The following GALNT13 variants were observed in gnomAD, a reference collection of about 807,000 sequenced individuals.
The protein encoded by GALNT13 is polypeptide N-acetylgalactosaminyltransferase 13.
In GALNT13, 28 loss-of-function variants were observed where a neutral mutation model predicts 64.2. The ratio of observed to expected loss-of-function variants is 0.44; its 90% CI spans 0.32 to 0.60. The LOEUF (loss-of-function observed/expected upper bound fraction) is 0.60, where lower values mean the gene tolerates loss of function less well. GALNT13 is among the 20% of genes least tolerant of loss of function. The pLI is 0.05. For synonymous variants in GALNT13, 214 were observed against 224.6 expected, an observed-to-expected ratio of 0.95 and a Z score of 0.42; for missense variants, 577 against 669.8, an observed-to-expected ratio of 0.86 and a Z score of 1.53.
the GALNT13 span, chr2:153,478,574 C>T: frequency 5.0e-5 from 76 of 1,519,498 alleles, no homozygotes; most frequent in Non-Finnish European, 6.5e-5. Flanking sequence ...ATCGCAGGAA[C>T]GGGCGGGCGC....
chr2:154,273,812 C>T (rs534463635), intron 8 of GALNT13, among the ~76,000 whole-genome samples: 2 of 152,012 alleles, frequency 1.3e-5, no homozygotes, highest in African/African-American at 4.8e-5. Flanking sequence ...TTCAGTGTTG[C>T]ATGTACACCG....
At chr2:154,195,867 C>A (rs1386922519) in intron 4 of GALNT13, among the ~76,000 whole-genome samples, 1 of 152,122 alleles carries the variant, frequency 6.6e-6, no homozygotes, top group East Asian at 1.9e-4. Context: ...TGCCCCAACC[C>A]CTGCTCATGG....
At chr2:153,672,550 G>A in the GALNT13 span, among the ~76,000 whole-genome samples, 10 of 152,292 alleles carry the variant, frequency 6.6e-5, no homozygotes, top group East Asian at 1.2e-3. Context: ...CACAGCTAAA[G>A]CAGTGTGTAG....
the GALNT13 span, among the ~76,000 whole-genome samples, chr2:153,527,571 G>A: frequency 2.0e-5 from 3 of 152,222 alleles, 1 homozygote; most frequent in African/African-American, 7.2e-5. Context: ...TGAGCAATAA[G>A]TAATCACCTG....
intron 3 of GALNT13, among the ~76,000 whole-genome samples, chr2:153,978,157 A>G (rs1694201031): frequency 6.6e-6 from 1 of 152,182 alleles, no homozygotes; most frequent in Admixed American, 6.6e-5. Flanking sequence ...AAGATAGAAT[A>G]TTGTCTGTTT....
At chr2:154,212,036 A>G (rs912941234) in intron 4 of GALNT13, among the ~76,000 whole-genome samples, 1 of 152,254 alleles carries the variant, frequency 6.6e-6, no homozygotes, top group Admixed American at 6.5e-5. Context: ...TTGAGTTTGG[A>G]AAATTGCATC....
the GALNT13 span, among the ~76,000 whole-genome samples, chr2:153,716,555 T>C: frequency 1.3e-5 from 2 of 152,096 alleles, no homozygotes; most frequent in African/African-American, 4.8e-5. Flanking sequence ...CAGAAAAACC[T>C]CTATGAGTAA....
rs59114913 is a variant in GALNT13, at chr2:154,411,317, TACAC to T, written c.1395+2275_1395+2278del. ...TTCCATCTACATACTTAATTGCACA[TACAC>T]ACACACACACACACACACACACACA... On this transcript the variant is annotated intron_variant, in intron 11 of 12. Transcript: ENST00000392825. Among the ~76,000 whole-genome samples the T allele has an allele frequency of 2.6e-3, 389 of 147,862 alleles. 1 individual carries two copies. Among genetic ancestry groups the T allele is most frequent in the South Asian group, 9.1e-3 (42 of 4,612 alleles).
chr2:153,709,589 CAAAG>C, the GALNT13 span, among the ~76,000 whole-genome samples: 9 of 151,906 alleles, frequency 5.9e-5, no homozygotes, highest in East Asian at 1.4e-3. Context: ...GGAAGTAACT[CAAAG>C]AAACAAAAAC....
chr2:154,301,675 C>A, intron 9 of GALNT13, 86 bp downstream of exon 9: 1 of 875,488 alleles, frequency 1.1e-6, no homozygotes, highest in Non-Finnish European at 1.7e-6. Context: ...TGCTGTTATT[C>A]TTCTAGTTAA....
chr2:153,087,072 A>G, the GALNT13 span, among the ~76,000 whole-genome samples: 1 of 151,954 alleles, frequency 6.6e-6, no homozygotes, highest in African/African-American at 2.4e-5. Flanking sequence ...TTCTCAGGGG[A>G]GTTCTTTCAA....
chr2:154,176,776 T>A (rs1685679608), intron 4 of GALNT13, among the ~76,000 whole-genome samples: 1 of 152,180 alleles, frequency 6.6e-6, no homozygotes, highest in Non-Finnish European at 1.5e-5. Context: ...ATGCTGATTT[T>A]TGAAAAGGTG....
chr2:154,280,651 C>A (rs1691913709), intron 8 of GALNT13, among the ~76,000 whole-genome samples: 1 of 152,154 alleles, frequency 6.6e-6, no homozygotes, highest in Non-Finnish European at 1.5e-5. Flanking sequence ...GTATTGCTGG[C>A]ATCTGTGAAA....
intron 4 of GALNT13, among the ~76,000 whole-genome samples, chr2:154,189,389 G>A (rs2105750620): frequency 6.6e-6 from 1 of 151,148 alleles, no homozygotes; most frequent in African/African-American, 2.4e-5. Flanking sequence ...TATTAGGGCA[G>A]GACCTTGGTC....
chr2:153,853,558 A>T, the GALNT13 span, among the ~76,000 whole-genome samples: 1 of 152,136 alleles, frequency 6.6e-6, no homozygotes, highest in South Asian at 2.1e-4. Flanking sequence ...CCAAGAAATT[A>T]AAAGAAATGA....
chr2:153,545,871 C>G, the GALNT13 span, among the ~76,000 whole-genome samples: 3 of 152,334 alleles, frequency 2.0e-5, no homozygotes, highest in Admixed American at 6.5e-5. Flanking sequence ...CTCAACTTTT[C>G]TGCCCTGGTC....
chr2:153,755,469 A>G, the GALNT13 span, among the ~76,000 whole-genome samples: 1 of 152,050 alleles, frequency 6.6e-6, no homozygotes, highest in Admixed American at 6.6e-5. Context: ...ATAAGAGCTT[A>G]TGGTTTTAAT....
At chr2:154,177,407 AG>A (rs1436511917) in intron 4 of GALNT13, among the ~76,000 whole-genome samples, 13 of 152,018 alleles carry the variant, frequency 8.6e-5, no homozygotes, top group Non-Finnish European at 1.5e-4. Context: ...GGAGCTGGGG[AG>A]GGGGAATGAA....
At chr2:153,461,118 C>T in the GALNT13 span, among the ~76,000 whole-genome samples, 3 of 152,020 alleles carry the variant, frequency 2.0e-5, no homozygotes, top group African/African-American at 7.2e-5. Flanking sequence ...ACTGTATTTT[C>T]TTATTTGCCT....
Sources: gnomAD v4.1 joint callset for allele counts (sites outside exome capture counted in the v4.1 genomes callset) on GRCh38, gnomAD v4.1.1 for gene constraint, MANE v1.5 for transcripts, NCBI Gene and HGNC (gene_info 2026-07-23, HGNC 2026-07-21) for gene names.